SPECC1L: variants seen among roughly 807,000 people sequenced by gnomAD.
SPECC1L encodes the protein sperm antigen with calponin homology and coiled-coil domains 1 like.
SPECC1L carries 40 observed loss-of-function variants against 116.8 expected under a neutral mutation model. The observed-to-expected ratio is 0.34, with a 90% confidence interval of 0.27 to 0.45. The LOEUF (loss-of-function observed/expected upper bound fraction) is 0.45. Ranked by LOEUF, SPECC1L falls within the 20% of genes least tolerant of loss-of-function variation. SPECC1L has a pLI of 1.00. For synonymous variants in SPECC1L, 504 were observed against 500.6 expected, an observed-to-expected ratio of 1.01 and a Z score of -0.09; for missense variants, 1,110 against 1,373.6, an observed-to-expected ratio of 0.81 and a Z score of 3.03.
At chr22:24,407,187 T>G (rs1341355954) in intron 14 of SPECC1L, among the ~76,000 whole-genome samples, 4 of 152,368 alleles carry the variant, frequency 2.6e-5, no homozygotes, top group African/African-American at 9.6e-5. Flanking sequence ...AGCCTTCTTT[T>G]GGGCTTTACT....
chr22:24,330,548 T>C, intron 8 of SPECC1L, 117 bp downstream of exon 8: 2 of 1,113,976 alleles, frequency 1.8e-6, no homozygotes, highest in Middle Eastern at 4.5e-4. Context: ...AGTTTGGATC[T>C]GATGGAAGTT....
intron 3 of SPECC1L, among the ~76,000 whole-genome samples, chr22:24,312,404 A>G (rs2040479869): frequency 6.6e-6 from 1 of 152,236 alleles, no homozygotes; most frequent in African/African-American, 2.4e-5. Flanking sequence ...GAACTATCTT[A>G]CCTTGTAGAA....
intron 11 of SPECC1L, among the ~76,000 whole-genome samples, chr22:24,356,221 T>C (rs963645118): frequency 4.6e-5 from 7 of 152,224 alleles, no homozygotes; most frequent in African/African-American, 1.4e-4. Context: ...TCTTCTGTAT[T>C]TACTCATTTC....
chr22:24,300,421 A>T (rs2049354505), intron 2 of SPECC1L, among the ~76,000 whole-genome samples: 1 of 152,150 alleles, frequency 6.6e-6, no homozygotes, highest in Non-Finnish European at 1.5e-5. Flanking sequence ...GCTATTGTAA[A>T]CAGTGCTGCA....
intron 3 of SPECC1L, among the ~76,000 whole-genome samples, chr22:24,309,005 G>A (rs769701917): frequency 5.3e-5 from 8 of 152,088 alleles, no homozygotes; most frequent in Non-Finnish European, 1.0e-4. Context: ...CATTTCTGAC[G>A]TAGTAAGTTT....
rs553159232 is a variant in SPECC1L at position 24,399,579 on chromosome 22, CAAAA to C, written c.3088-12002_3088-11999del. On this transcript the variant is annotated intron_variant, in intron 14 of 16. Transcript: ENST00000314328. ...AAGCGAGACTCCATTTCAAAAAAAA[CAAAA>C]AAAAAAGTTAAAGCATATTAAATCC... Among the ~76,000 whole-genome samples, 25 of 147,504 alleles carry C rather than the reference CAAAA, an allele frequency of 1.7e-4. No individual in the cohort carries two copies. In the East Asian group the frequency reaches 4.3e-3, roughly 26 times the overall value.
chr22:24,365,411 A>T, intron 12 of SPECC1L, 65 bp from the exon 13 acceptor site: 1 of 1,534,464 alleles, frequency 6.5e-7, no homozygotes, highest in Non-Finnish European at 9.0e-7. Flanking sequence ...TTCAGAAAAA[A>T]AAAATCTCAA....
At chr22:24,399,569 TCAAAAAAAA>T (rs1243931215) in intron 14 of SPECC1L, among the ~76,000 whole-genome samples, 1 of 151,624 alleles carries the variant, frequency 6.6e-6, no homozygotes, top group Non-Finnish European at 1.5e-5. Context: ...AGACTCCATT[TCAAAAAAAA>T]CAAAAAAAAA....
intron 14 of SPECC1L, among the ~76,000 whole-genome samples, chr22:24,385,018 G>A (rs1258610534): frequency 1.3e-5 from 2 of 149,364 alleles, no homozygotes; most frequent in East Asian, 2.0e-4. Context: ...AGCTGAGATC[G>A]CGCCACTGAA....
rs2041681762 is a variant in SPECC1L, at chr22:24,363,323, G to A, written c.2806G>A (p.Glu936Lys). 6.2e-7 allele frequency: 1 copy of A among 1,614,154 alleles called. No homozygotes were observed. Among genetic ancestry groups the A allele is most frequent in the East Asian group, 2.2e-5 (1 of 44,880 alleles). The change falls in exon 12 of 17, where the codon GAA (glutamate) becomes AAA (lysine). Residue 936 changes from glutamate to lysine, a missense_variant. By Grantham distance (56) the Glu-to-Lys change is moderately conservative (BLOSUM62 1). Around this residue, in one of 4 missense-constraint regions of SPECC1L, gnomAD observed 575 missense variants for 682.4 expected, o/e 0.84. Transcript: ENST00000314328. ...PASLPRVPAM[E>K]SAKTLSVSRR... is the part of the protein sequence containing the mutation. ...TTCCCTGCCAAGAGTGCCTGCGATG[G>A]AAAGTGCCAAGACCCTCTCAGGTGA...
intron 4 of SPECC1L, 92 bp downstream of exon 4, chr22:24,313,558 G>T (rs376540891): frequency 2.0e-5 from 29 of 1,443,902 alleles, no homozygotes; most frequent in East Asian, 1.6e-4. Context: ...CTAATTATAG[G>T]AAATTTTAGA....
intron 3 of SPECC1L, among the ~76,000 whole-genome samples, chr22:24,312,808 A>G (rs1346668886): frequency 6.6e-6 from 1 of 152,228 alleles, no homozygotes; most frequent in East Asian, 1.9e-4. Flanking sequence ...TGCATGTTTT[A>G]GAAAATACCT....
chr22:24,340,586 G>A (rs185613722), intron 10 of SPECC1L, among the ~76,000 whole-genome samples: 5 of 152,162 alleles, frequency 3.3e-5, no homozygotes, highest in Non-Finnish European at 2.9e-5. Context: ...ATCAGTTGAC[G>A]TTTAATGTAT....
chr22:24,334,292 G>A (rs1223736086), intron 8 of SPECC1L, 118 bp from the exon 9 acceptor site: 2 of 1,015,634 alleles, frequency 2.0e-6, no homozygotes, highest in African/African-American at 3.2e-5. Context: ...GATTACAGGT[G>A]TGAGCCACCG....
chr22:24,411,753 G>T (rs199695730), intron 15 of SPECC1L, 49 bp downstream of exon 15: 1 of 1,487,096 alleles, frequency 6.7e-7, no homozygotes, highest in South Asian at 1.1e-5. Flanking sequence ...AGGGTTGGAG[G>T]GCTGAGAACC....
Position 24,330,269 on chromosome 22 carries a change from A to G in SPECC1L, c.2234A>G (p.Glu745Gly). Reference protein sequence around the residue: ...LHRRLREESAEWRQFQADLQT... With the variant: ...LHRRLREESAGWRQFQADLQT... ...TTTTTAATATAGGAAGAATCTGCGG[A>G]ATGGCGGCAGTTTCAGGCTGATCTC... The change falls in exon 8 of 17, where the codon GAA (glutamate) becomes GGA (glycine). Residue 745 changes from glutamate (E) to glycine (G), a missense_variant. Around this residue, in one of 4 missense-constraint regions of SPECC1L, gnomAD observed 575 missense variants for 682.4 expected, o/e 0.84. Transcript: ENST00000314328. 6.2e-7 allele frequency: 1 copy of G among 1,614,144 alleles called. No homozygotes were observed. The highest frequency in any genetic ancestry group is 8.5e-7 in the Non-Finnish European group (1 of 1,180,014).
chr22:24,347,522 CAGTT>C (rs1488337702), intron 11 of SPECC1L, among the ~76,000 whole-genome samples: 1 of 152,118 alleles, frequency 6.6e-6, no homozygotes, highest in Non-Finnish European at 1.5e-5. Context: ...CAGGTTAACA[CAGTT>C]AGTTACTAAG....
intron 2 of SPECC1L, among the ~76,000 whole-genome samples, chr22:24,280,577 A>ATTTT (rs34634285): frequency 1.6e-5 from 2 of 128,824 alleles, no homozygotes; most frequent in African/African-American, 5.8e-5. Context: ...TTTCAATAAC[A>ATTTT]TTTTTTTTTT....
At chr22:24,285,887 G>A (rs989944500) in intron 2 of SPECC1L, among the ~76,000 whole-genome samples, 3 of 152,150 alleles carry the variant, frequency 2.0e-5, no homozygotes, top group South Asian at 2.1e-4. Context: ...TGATCCGCCC[G>A]CCTCAGCCTC....
Sources: gnomAD v4.1 joint callset for allele counts (sites outside exome capture counted in the v4.1 genomes callset) on GRCh38, gnomAD v4.1.1 for gene constraint, gnomAD v4.1.1 regional missense constraint, MANE v1.5 for transcripts, NCBI Gene and HGNC (gene_info 2026-07-23, HGNC 2026-07-21) for gene names.